The following GRM5 variants were observed in gnomAD, a reference collection of about 807,000 sequenced individuals.
GRM5 encodes metabotropic glutamate receptor 5.
Under a neutral mutation model 83.1 loss-of-function variants are expected in GRM5, and 19 were observed. The observed-to-expected ratio is 0.23, with a 90% CI of 0.16 to 0.34. GRM5 has a LOEUF of 0.34. Ranked by LOEUF, GRM5 falls within the 10% of genes least tolerant of loss-of-function variation. The pLI, the probability that GRM5 is intolerant of heterozygous loss-of-function variation, is 1.00. For missense variants in GRM5, 1,160 were observed against 1,588.3 expected (o/e 0.73, Z 4.58); for synonymous variants, 675 against 633.6 (o/e 1.07, Z -0.98).
chr11:88,870,320 G>C (rs971959588), intron 2 of GRM5, among the ~76,000 whole-genome samples: 1 of 151,534 alleles, frequency 6.6e-6, no homozygotes, highest in African/African-American at 2.4e-5. Context: ...AAGCATGAAA[G>C]TTATAGAATG....
At chr11:88,559,906 T>C (rs1482743407) in intron 8 of GRM5, among the ~76,000 whole-genome samples, 2 of 152,120 alleles carry the variant, frequency 1.3e-5, no homozygotes, top group African/African-American at 2.4e-5. Flanking sequence ...ATTTGGATCA[T>C]AAGGAGGGGA....
chr11:88,818,935 T>G (rs1331873759), intron 3 of GRM5, among the ~76,000 whole-genome samples: 3 of 152,236 alleles, frequency 2.0e-5, no homozygotes, highest in Non-Finnish European at 2.9e-5. Context: ...AGTTTACATT[T>G]GTCCTTGATA....
chr11:88,727,991 T>G (rs1941720853), intron 3 of GRM5, among the ~76,000 whole-genome samples: 1 of 151,374 alleles, frequency 6.6e-6, no homozygotes, highest in African/African-American at 2.4e-5. Context: ...GCAAACAAAT[T>G]CAACAGCTAG....
rs759350104 is a variant in GRM5, at chr11:88,507,744, A to G, written c.*848T>C. ...TTTATAAAGAGAATTTCCAGCTACA[A>G]TGCACCCCAGTGAGGGAATTACAAA... On this transcript the variant is annotated 3_prime_UTR_variant, in exon 10 of 10. Coordinates refer to ENST00000305447, the MANE Select transcript of GRM5 (RefSeq NM_001143831.3). The G allele has an allele frequency of 3.3e-5, 5 of 152,588 alleles. No homozygotes were observed. The highest frequency in any genetic ancestry group is 7.2e-5 in the African/African-American group (3 of 41,452). 9.5% of individuals were successfully genotyped at this position (152,588 alleles called of 1,614,324 possible). A position where few individuals can be genotyped will look rare whatever the true frequency, so the allele number is the denominator to read the frequency against.
intron 2 of GRM5, among the ~76,000 whole-genome samples, chr11:88,856,683 T>A (rs904108171): frequency 4.6e-5 from 7 of 152,178 alleles, no homozygotes; most frequent in African/African-American, 1.7e-4. Flanking sequence ...GGTATCTTTG[T>A]ACAACGGACA....
chr11:88,990,521 C>A (rs1939926804), intron 2 of GRM5, among the ~76,000 whole-genome samples: 1 of 151,416 alleles, frequency 6.6e-6, no homozygotes, highest in Non-Finnish European at 1.5e-5. Context: ...ATGAGGCCAG[C>A]ATCATTCTGA....
chr11:88,732,132 T>C (rs1248562979), intron 3 of GRM5, among the ~76,000 whole-genome samples: 2 of 152,068 alleles, frequency 1.3e-5, no homozygotes, highest in Admixed American at 6.6e-5. Flanking sequence ...ACACTGTACA[T>C]GTCTCTATCA....
intron 3 of GRM5, among the ~76,000 whole-genome samples, chr11:88,713,080 A>C (rs1049349811): frequency 6.6e-6 from 1 of 151,958 alleles, no homozygotes; most frequent in African/African-American, 2.4e-5. Context: ...TTTATGGCAA[A>C]ATTTTGGAAT....
At chr11:88,979,157 G>T (rs1165533663) in intron 2 of GRM5, among the ~76,000 whole-genome samples, 4 of 152,160 alleles carry the variant, frequency 2.6e-5, no homozygotes, top group Non-Finnish European at 5.9e-5. Context: ...ACAGGCAGGT[G>T]AAAGGAGAAT....
intron 2 of GRM5, among the ~76,000 whole-genome samples, chr11:88,920,429 CCA>C (rs1945670537): frequency 6.9e-4 from 1 of 1,440 alleles, no homozygotes; most frequent in Admixed American, 8.9e-3. Flanking sequence ...AAAAAAAAAA[CCA>C]AAAAAAAAAA....
At chr11:89,021,550 T>C (rs954436935) in intron 2 of GRM5, among the ~76,000 whole-genome samples, 1 of 152,132 alleles carries the variant, frequency 6.6e-6, no homozygotes, top group Non-Finnish European at 1.5e-5. Context: ...TCAGCACAAT[T>C]TGGAGAAGTT....
At chr11:88,964,424 A>C (rs1938883475) in intron 2 of GRM5, among the ~76,000 whole-genome samples, 1 of 151,940 alleles carries the variant, frequency 6.6e-6, no homozygotes, top group Admixed American at 6.6e-5. Flanking sequence ...TAAATTCTAT[A>C]TTTTGCTCAG....
chr11:88,817,320 G>A (rs11021448), intron 3 of GRM5, among the ~76,000 whole-genome samples: 3,878 of 152,026 alleles, frequency 0.026, 175 homozygotes, highest in African/African-American at 0.089. Context: ...TCTAATATTA[G>A]ATACCACAGA....
intron 3 of GRM5, among the ~76,000 whole-genome samples, chr11:88,770,279 G>A (rs1042020876): frequency 1.3e-5 from 2 of 151,786 alleles, no homozygotes; most frequent in African/African-American, 4.8e-5. Context: ...ACAGAAAAAG[G>A]GCATTAGATA....
intron 3 of GRM5, among the ~76,000 whole-genome samples, chr11:88,683,021 A>T (rs189534774): frequency 9.3e-4 from 141 of 152,254 alleles, no homozygotes; most frequent in African/African-American, 3.3e-3. Context: ...AACTTTAAGT[A>T]GTTAATTTCT....
chr11:88,593,385 A>G (rs1484602576), intron 6 of GRM5, among the ~76,000 whole-genome samples: 2 of 152,150 alleles, frequency 1.3e-5, no homozygotes, highest in East Asian at 3.9e-4. Flanking sequence ...AGTATTAAAA[A>G]TATGATAATA....
intron 2 of GRM5, among the ~76,000 whole-genome samples, chr11:89,005,865 G>T (rs1940509995): frequency 6.6e-6 from 1 of 152,042 alleles, no homozygotes; most frequent in South Asian, 2.1e-4. Flanking sequence ...TTGTCATTTT[G>T]CTAGGTATTG....
intron 4 of GRM5, among the ~76,000 whole-genome samples, chr11:88,645,245 G>A (rs979871789): frequency 1.3e-5 from 2 of 152,148 alleles, no homozygotes; most frequent in African/African-American, 4.8e-5. Context: ...TCTGTGCTCA[G>A]TGTCTGGATT....
At chr11:88,950,517 TA>T (rs201441225) in intron 2 of GRM5, among the ~76,000 whole-genome samples, 39 of 150,022 alleles carry the variant, frequency 2.6e-4, no homozygotes, top group South Asian at 8.5e-4. Context: ...ATGATAAGAA[TA>T]AAAAAAAACA....
Sources: allele counts gnomAD v4.1 joint callset (sites outside exome capture counted in the v4.1 genomes callset), GRCh38; gene constraint gnomAD v4.1.1; transcripts MANE v1.5; gene names NCBI Gene and HGNC (gene_info 2026-07-23, HGNC 2026-07-21).